The following ZC3H7A variants were observed in gnomAD, a reference collection of about 807,000 sequenced individuals.
The protein encoded by ZC3H7A is zinc finger CCCH domain-containing protein 7A.
Under a neutral mutation model 125.5 loss-of-function variants are expected in ZC3H7A, and 44 were observed. The observed-to-expected ratio is 0.35, with a 90% CI of 0.28 to 0.45. The LOEUF is 0.45. Among genes scored for constraint, ZC3H7A ranks in the 20% least tolerant of loss-of-function variants. The probability of loss-of-function intolerance (pLI) is 1.00; values close to 1 mark genes in which losing one functional copy is unlikely to be tolerated. For synonymous variants in ZC3H7A, 399 were observed against 391.2 expected (o/e 1.02, Z -0.23); for missense variants, 977 against 1,170.7 (o/e 0.83, Z 2.41).
Position 11,779,932 on chromosome 16 carries a change from C to A in ZC3H7A, c.109-569G>T, listed in dbSNP as rs141899680. On this transcript the variant is annotated intron_variant, in intron 3 of 22. Transcript: ENST00000355758. The stretch of plus-strand genomic sequence containing the variant: ...GCATGTCTTTACCAGTGAAGTTGAA[C>A]TATTCCACATTTTTACGGACCCCTT... Among the ~76,000 whole-genome samples, 527 of 151,778 alleles carry A rather than the reference C, an allele frequency of 3.5e-3. 3 individuals carry two copies. Among genetic ancestry groups the A allele is most frequent in the African/African-American group, 0.012 (505 of 41,282 alleles).
At chr16:11,754,751 G>A (rs1266594330) in intron 21 of ZC3H7A, among the ~76,000 whole-genome samples, 1 of 151,842 alleles carries the variant, frequency 6.6e-6, no homozygotes, top group Non-Finnish European at 1.5e-5. Flanking sequence ...AATTAGCCGT[G>A]CGTGGTGGCC....
intron 16 of ZC3H7A, chr16:11,763,268 CG>C (rs1802725306): frequency 2.6e-6 from 1 of 381,342 alleles, no homozygotes. Flanking sequence ...CCACCACGCC[CG>C]ATTAATTTTT....
Position 11,770,943 on chromosome 16 carries a change from A to G in ZC3H7A, c.948T>C (p.Ser316=). The G allele has an allele frequency of 3.7e-6, 6 of 1,613,788 alleles. No individual in the cohort carries two copies. The highest frequency in any genetic ancestry group is 5.1e-6 in the Non-Finnish European group (6 of 1,179,818). Residue 316 remains serine, a synonymous_variant, in exon 10 of 23, where the codon TCT becomes TCC. Transcript: ENST00000355758. ...VRGPLQTASV[S]PSMPFSASLL... is the part of the protein sequence containing the mutation. ...GCGATGCCGAAAAGGGCATGCTAGG[A>G]GAGACACTGGCTGTCTGAAGGGGTC...
chr16:11,790,079 C>CAAAAAAA (rs150579733), intron 1 of ZC3H7A, among the ~76,000 whole-genome samples: 2 of 73,554 alleles, frequency 2.7e-5, no homozygotes, highest in Non-Finnish European at 5.4e-5. Flanking sequence ...GACTCCATCT[C>CAAAAAAA]AAAAAAAAAA....
At chr16:11,795,874 C>T (rs912169293) in intron 1 of ZC3H7A, among the ~76,000 whole-genome samples, 24 of 152,364 alleles carry the variant, frequency 1.6e-4, no homozygotes, top group Admixed American at 4.6e-4. Context: ...ACAATCTCAG[C>T]TCACCGAAGC....
At chr16:11,756,199 G>A (rs780920058) in intron 21 of ZC3H7A, 38 bp downstream of exon 21, 31 of 1,582,218 alleles carry the variant, frequency 2.0e-5, no homozygotes, top group Non-Finnish European at 2.4e-5. Context: ...TCCATCAATG[G>A]CTCGGCAAAG....
chr16:11,760,121 T>C (rs200894815), intron 19 of ZC3H7A, among the ~76,000 whole-genome samples: 62 of 8,628 alleles, frequency 7.2e-3, no homozygotes, highest in Admixed American at 0.012. Context: ...CAAGAAAAAA[T>C]GAAAAAAAAA....
chr16:11,762,405 T>A (rs755599016), intron 17 of ZC3H7A, among the ~76,000 whole-genome samples: 1 of 152,094 alleles, frequency 6.6e-6, no homozygotes, highest in Non-Finnish European at 1.5e-5. Context: ...CGAGAACCCG[T>A]AAAGCCCAGA....
chr16:11,776,762 C>G lies in ZC3H7A; in HGVS notation c.454G>C (p.Ala152Pro). 6.2e-7 allele frequency: 1 copy of G among 1,608,478 alleles called. No individual in the cohort carries two copies. Among genetic ancestry groups the G allele is most frequent in the Non-Finnish European group, 8.5e-7 (1 of 1,178,310 alleles). ...TATAAATTCCATACCTGAGGCACTG[C>G]TAAGGAGCACTTTGCTACAGCATCG... is the stretch of plus-strand genomic sequence containing the variant. The part of the protein sequence containing the change: ...AYDAVAKCSL[A>P]VPQDEHVIKL... Residue 152 changes from alanine to proline, a missense_variant, in exon 5 of 23, where the codon GCA becomes CCA. Ala to Pro is a conservative substitution (Grantham distance 27). Coordinates refer to ENST00000355758, the MANE Select transcript of ZC3H7A (RefSeq NM_014153.4).
rs920680076 is a variant in ZC3H7A, at chr16:11,767,320, T to G, written c.1522+97A>C. On this transcript the variant is annotated intron_variant, in intron 13 of 22. Coordinates refer to ENST00000355758, the MANE Select transcript of ZC3H7A (RefSeq NM_014153.4). ...TAAGTACTCTGTGATGTTCCCCTAATGATGCATTTCTCACAATGTATCCTG... is the reference window on the plus strand; with the variant it reads ...TAAGTACTCTGTGATGTTCCCCTAAGGATGCATTTCTCACAATGTATCCTG... The G allele has an allele frequency of 1.9e-5, 19 of 1,016,566 alleles. 2 individuals are homozygous for G. The highest frequency in any genetic ancestry group is 7.3e-5 in the South Asian group (4 of 54,956). 63.0% of individuals were successfully genotyped at this position (1,016,566 alleles called of 1,614,324 possible).
rs558225981 is a variant in ZC3H7A at position 11,778,330 on chromosome 16, G to A, written c.306+836C>T. 2.9e-3 allele frequency among the ~76,000 whole-genome samples: 442 copies of A among 151,536 alleles called. 2 individuals carry two copies. The highest frequency in any genetic ancestry group is 4.4e-3 in the Non-Finnish European group (302 of 67,882). On this transcript the variant is annotated intron_variant, in intron 4 of 22. Transcript: ENST00000355758. Reference sequence around the variant, plus strand: ...CATGCGCCTGTAGTCCCAGCTACTCGGGAGGCCGAGGCAGGAAAATTGCTT... The same window carrying A: ...CATGCGCCTGTAGTCCCAGCTACTCAGGAGGCCGAGGCAGGAAAATTGCTT...
At chr16:11,778,223 A>G (rs1223651243) in intron 4 of ZC3H7A, among the ~76,000 whole-genome samples, 1 of 151,924 alleles carries the variant, frequency 6.6e-6, no homozygotes, top group African/African-American at 2.4e-5. Context: ...GATTGCCTGA[A>G]TTCAGGAGAT....
chr16:11,789,994 T>C (rs377671073), intron 1 of ZC3H7A, among the ~76,000 whole-genome samples: 8 of 136,392 alleles, frequency 5.9e-5, no homozygotes, highest in African/African-American at 2.3e-4. Context: ...GGCAGGAGAA[T>C]AGCTAGAACC....
chr16:11,769,710 C>CAAAAAAAAAA (rs529124830), intron 10 of ZC3H7A, among the ~76,000 whole-genome samples: 1,312 of 32,508 alleles, frequency 0.04, 264 homozygotes, highest in African/African-American at 0.15. Context: ...GACTCTGTCT[C>CAAAAAAAAAA]AAAAAAAAAA....
chr16:11,787,981 G>T (rs1479882810), intron 1 of ZC3H7A, among the ~76,000 whole-genome samples: 1 of 151,878 alleles, frequency 6.6e-6, no homozygotes, highest in Non-Finnish European at 1.5e-5. Flanking sequence ...GATTACAGGT[G>T]TGAGCCCCCT....
Position 11,765,362 on chromosome 16 carries a change from T to C in ZC3H7A, c.1719+127A>G. 1.6e-6 allele frequency: 1 copy of C among 639,168 alleles called. No homozygotes were observed. The highest frequency in any genetic ancestry group is 2.4e-6 in the Non-Finnish European group (1 of 412,302). The allele number at this position is 639,168 out of a possible 1,614,324, so 39.6% of individuals were successfully genotyped here. A position where few individuals can be genotyped will look rare whatever the true frequency, so the allele number is the denominator to read the frequency against. On this transcript the variant is annotated intron_variant, in intron 14 of 22. Transcript: ENST00000355758. The surrounding 1 kb of genome is among the most constrained non-coding windows in gnomAD (Gnocchi z 4.8). Reference sequence around the variant, plus strand: ...GAATATTTTATTCATAAATATGATATTATTTATCATATAAATAAATGAATA... The same window carrying C: ...GAATATTTTATTCATAAATATGATACTATTTATCATATAAATAAATGAATA...
At chr16:11,793,882 T>TA (rs1318673925) in intron 1 of ZC3H7A, among the ~76,000 whole-genome samples, 1 of 152,196 alleles carries the variant, frequency 6.6e-6, no homozygotes, top group Non-Finnish European at 1.5e-5. Context: ...AAGGTAATGT[T>TA]ACATTTTGGC....
rs751022229 is a variant in ZC3H7A, at chr16:11,752,765, G to A, written c.2630C>T (p.Ser877Phe). ...NSEKQWQGHI[S>F]SEKHKEKVFH... is the part of the protein sequence containing the mutation. ...AACCTTCTCTTTGTGCTTCTCGGAG[G>A]AGATGTGGCCCTGCCACTGCTTCTC... The change falls in exon 22 of 23, where the codon TCC becomes TTC. Residue 877 changes from serine (S) to phenylalanine (F), a missense_variant. Physicochemically the swap from Ser to Phe is radical, Grantham distance 155. This residue lies in a region of ZC3H7A where 436 missense variants were observed against 603.2 expected (regional missense o/e 0.72). Transcript: ENST00000355758. 1.2e-5 allele frequency: 20 copies of A among 1,614,060 alleles called. No individual in the cohort carries two copies. In the Admixed American group the frequency reaches 2.5e-4, roughly 20 times the overall value.
chr16:11,770,158 C>A (rs1438833273), intron 10 of ZC3H7A, among the ~76,000 whole-genome samples: 3 of 152,048 alleles, frequency 2.0e-5, no homozygotes, highest in Admixed American at 6.6e-5. Context: ...ATTTTAATTT[C>A]TTTAAGTCAA....
Sources: allele counts gnomAD v4.1 joint callset (sites outside exome capture counted in the v4.1 genomes callset), GRCh38; gene constraint gnomAD v4.1.1; regional missense constraint gnomAD v4.1.1; non-coding constraint Gnocchi (gnomAD v3.1); transcripts MANE v1.5; gene names NCBI Gene and HGNC (gene_info 2026-07-23, HGNC 2026-07-21).